Variants in GALM observed in about 807,000 individuals in gnomAD.
GALM encodes the protein galactose mutarotase, also known as aldose 1-epimerase.
A neutral mutation model predicts 37.4 loss-of-function variants in GALM; 43 were observed. That is an observed-to-expected ratio of 1.15 (90% confidence interval 0.90 to 1.48). GALM has a LOEUF of 1.48. GALM is among the 40% of genes most tolerant of loss of function. GALM has a pLI of 0.00. For synonymous variants in GALM, 199 were observed against 170.6 expected, an observed-to-expected ratio of 1.17 and a Z score of -1.30; for missense variants, 456 against 419.1, an observed-to-expected ratio of 1.09 and a Z score of -0.77.
intron 4 of GALM, among the ~76,000 whole-genome samples, chr2:38,722,303 C>T (rs903651501): frequency 6.6e-6 from 1 of 152,130 alleles, no homozygotes; most frequent in Admixed American, 6.5e-5. Context: ...AACCCCACCC[C>T]CTACACCCTC....
chr2:38,669,550 A>T (rs1188735312), intron 1 of GALM: 4 of 152,234 alleles, frequency 2.6e-5, no homozygotes, highest in Admixed American at 1.3e-4. Context: ...TAGAAAAATC[A>T]GTAATGCCTC....
chr2:38,698,900 T>G (rs530386813), intron 4 of GALM, among the ~76,000 whole-genome samples: 2 of 143,544 alleles, frequency 1.4e-5, no homozygotes, highest in African/African-American at 2.6e-5. Context: ...CATGAGCCAC[T>G]GTGTCCAGCT....
chr2:38,707,168 G>A (rs1040636077), intron 4 of GALM, among the ~76,000 whole-genome samples: 1 of 152,074 alleles, frequency 6.6e-6, no homozygotes, highest in Admixed American at 6.6e-5. Flanking sequence ...AGGTTAGGGT[G>A]CCTGTGGGGT....
chr2:38,707,095 G>A (rs1408435026), intron 4 of GALM, among the ~76,000 whole-genome samples: 1 of 151,430 alleles, frequency 6.6e-6, no homozygotes, highest in South Asian at 2.1e-4. Flanking sequence ...GTTGTGAGTA[G>A]GGGAGGAGGG....
intron 5 of GALM, among the ~76,000 whole-genome samples, chr2:38,730,427 C>G (rs998417930): frequency 6.6e-6 from 1 of 152,042 alleles, no homozygotes; most frequent in African/African-American, 2.4e-5. Flanking sequence ...CCACTATGCC[C>G]AGCTAATTTT....
At chr2:38,671,611 G>A (rs923629525) in intron 1 of GALM, among the ~76,000 whole-genome samples, 2 of 152,312 alleles carry the variant, frequency 1.3e-5, no homozygotes, top group Admixed American at 6.5e-5. Context: ...AAGCCAAAGC[G>A]TATCAGTAAC....
intron 4 of GALM, among the ~76,000 whole-genome samples, chr2:38,711,713 T>A (rs894190322): frequency 7.6e-5 from 1 of 13,140 alleles, no homozygotes; most frequent in African/African-American, 3.0e-4. Flanking sequence ...TCATCATCCA[T>A]CACCATCACT....
chr2:38,683,066 AT>A (rs1558580768), intron 3 of GALM, among the ~76,000 whole-genome samples: 1 of 152,124 alleles, frequency 6.6e-6, no homozygotes, highest in Non-Finnish European at 1.5e-5. Context: ...TGTTTTTTAC[AT>A]TTTTTGCATA....
At chr2:38,677,558 C>T (rs1665286747) in intron 2 of GALM, among the ~76,000 whole-genome samples, 1 of 152,204 alleles carries the variant, frequency 6.6e-6, no homozygotes, top group Admixed American at 6.5e-5. Context: ...GAAAGTAAGG[C>T]CCAGCCTGGC....
chr2:38,683,678 T>G (rs914407487), intron 3 of GALM, among the ~76,000 whole-genome samples: 4 of 152,084 alleles, frequency 2.6e-5, no homozygotes, highest in African/African-American at 9.7e-5. Flanking sequence ...GCAATTCTCC[T>G]GCCTCAGCTT....
At chr2:38,726,212 CTTTATTTTTTTTTT>C (rs371182673) in intron 4 of GALM, among the ~76,000 whole-genome samples, 42,604 of 82,668 alleles carry the variant, frequency 0.52, 6,281 homozygotes, top group Admixed American at 0.53. Flanking sequence ...ACAAAAGTGC[CTTTATTTTTTTTTT>C]TTTATTTTTT....
At chr2:38,719,581 C>T (rs1464393930) in intron 4 of GALM, among the ~76,000 whole-genome samples, 2 of 151,492 alleles carry the variant, frequency 1.3e-5, no homozygotes, top group Non-Finnish European at 2.9e-5. Context: ...TTAAGACCAA[C>T]CTGGCCAACA....
rs1572549707 is a variant in GALM at position 38,734,041 on chromosome 2, C to T, written c.*476C>T. 5.2e-6 allele frequency: 1 copy of T among 192,362 alleles called. No individual in the cohort carries two copies. The highest frequency in any genetic ancestry group is 1.1e-5 in the Non-Finnish European group (1 of 91,518). The allele number at this position is 192,362 out of a possible 1,614,324, so 11.9% of individuals were successfully genotyped here. On this transcript the variant is annotated 3_prime_UTR_variant, in exon 7 of 7. Coordinates refer to ENST00000272252, the MANE Select transcript of GALM (RefSeq NM_138801.3). ...AGGAGATGGACCTGTCTCTATACAG[C>T]AGTAGATGATTGATAAGTGAGGAAA...
chr2:38,666,704 C>T (rs915976279), intron 1 of GALM, among the ~76,000 whole-genome samples: 1 of 152,178 alleles, frequency 6.6e-6, no homozygotes, highest in African/African-American at 2.4e-5. Flanking sequence ...GAGGAAAGAG[C>T]AGGCAAGAGG....
chr2:38,686,231 T>TCCTTCCTTCCTTCCTTCCTTCCTTCCTTC lies in GALM; in HGVS notation c.553-3581_553-3580insCTTCCTTCCTTCCTTCCTTCCTTCCTTCC, dbSNP rs201438260. 8.2e-4 allele frequency among the ~76,000 whole-genome samples: 27 copies of TCCTTCCTTCCTTCCTTCCTTCCTTCCTTC among 32,910 alleles called. 3 individuals carry two copies. The East Asian group carries it at 0.017, about 21-fold the overall frequency. The allele number at this position is 32,910 out of a possible 152,430, so 21.6% of individuals were successfully genotyped here. A position where few individuals can be genotyped will look rare whatever the true frequency, so the allele number is the denominator to read the frequency against. The stretch of plus-strand genomic sequence containing the variant: ...CACAGAAAGTGGAAATTTCTTTCTT[T>TCCTTCCTTCCTTCCTTCCTTCCTTCCTTC]CTTTCTTTCTTTCTTTCTTTCTTTC... On this transcript the variant is annotated intron_variant, in intron 3 of 6. Coordinates refer to ENST00000272252, the MANE Select transcript of GALM (RefSeq NM_138801.3).
At chr2:38,672,530 C>T (rs367639155) in intron 1 of GALM, among the ~76,000 whole-genome samples, 7 of 152,116 alleles carry the variant, frequency 4.6e-5, no homozygotes, top group African/African-American at 7.2e-5. Flanking sequence ...AGAAAGCCTG[C>T]GCTTTTCACA....
At chr2:38,718,837 G>T (rs1165230779) in intron 4 of GALM, among the ~76,000 whole-genome samples, 2 of 151,816 alleles carry the variant, frequency 1.3e-5, no homozygotes, top group African/African-American at 2.4e-5. Flanking sequence ...AGGCATGAGG[G>T]CCACCAGGCA....
At chr2:38,711,451 A>T (rs1666155745) in intron 4 of GALM, among the ~76,000 whole-genome samples, 1 of 151,912 alleles carries the variant, frequency 6.6e-6, no homozygotes, top group Non-Finnish European at 1.5e-5. Context: ...ATGAGCCACC[A>T]CACCTGGCCT....
chr2:38,671,410 AG>A, intron 1 of GALM: 1 of 152,366 alleles, frequency 6.6e-6, no homozygotes, highest in South Asian at 2.1e-4. Context: ...GGAGGCGAGG[AG>A]GAAGCTAGAC....
Sources: gnomAD v4.1 joint callset for allele counts (sites outside exome capture counted in the v4.1 genomes callset) on GRCh38, gnomAD v4.1.1 for gene constraint, MANE v1.5 for transcripts, NCBI Gene and HGNC (gene_info 2026-07-23, HGNC 2026-07-21) for gene names.